SMG5: variants seen among roughly 807,000 people sequenced by gnomAD.
The protein encoded by SMG5 is nonsense-mediated mRNA decay factor SMG5.
Under a neutral mutation model 122.9 loss-of-function variants are expected in SMG5, and 53 were observed. The observed-to-expected ratio is 0.43, with a 90% CI of 0.35 to 0.54. The LOEUF is 0.54. Ranked by LOEUF, SMG5 falls within the 20% of genes least tolerant of loss-of-function variation. The pLI is 0.01. For missense variants in SMG5, 1,153 were observed against 1,285.6 expected (o/e 0.90, Z 1.58); for synonymous variants, 477 against 490.2 (o/e 0.97, Z 0.35).
At chr1:156,253,550 T>A in intron 16 of SMG5, 42 bp from the exon 17 acceptor site, 1 of 1,594,232 alleles carries the variant, frequency 6.3e-7, no homozygotes, top group Non-Finnish European at 8.6e-7. Context: ...GGGGTGTATT[T>A]TCCCTTCTCC....
Position 156,249,537 on chromosome 1 carries a change from G to A in SMG5, c.*1050C>T, listed in dbSNP as rs940052904. On this transcript the variant is annotated 3_prime_UTR_variant, in exon 22 of 22. Transcript: ENST00000361813. The stretch of plus-strand genomic sequence containing the variant: ...CTTGGTGCGCCATTCACTGCCCTGA[G>A]CTATTCATGATCTCTGCTCCCAGAT... 3 of 365,266 alleles carry A rather than the reference G, an allele frequency of 8.2e-6. No individual in the cohort carries two copies. The highest frequency in any genetic ancestry group is 6.4e-5 in the African/African-American group (3 of 46,716). The allele number at this position is 365,266 out of a possible 1,614,324, so 22.6% of individuals were successfully genotyped here.
At position 156,256,473 on chromosome 1, in the gene SMG5, C is replaced by T. The variant is rs569190629; in HGVS notation, c.2442+2532G>A. Among the ~76,000 whole-genome samples, 32 of 152,068 alleles carry T rather than the reference C, an allele frequency of 2.1e-4. No individual in the cohort carries two copies. In the South Asian group the frequency reaches 6.0e-3, roughly 29 times the overall value. The stretch of plus-strand genomic sequence containing the variant: ...AGGGAGGCACCATAGACAAACTTTC[C>T]CTCTTCCCACTGCAGAAATCAAGCC... On this transcript the variant is annotated intron_variant, in intron 16 of 21. Coordinates refer to ENST00000361813, the MANE Select transcript of SMG5 (RefSeq NM_015327.3).
intron 1 of SMG5, among the ~76,000 whole-genome samples, chr1:156,281,538 T>C (rs1273793694): frequency 6.6e-6 from 1 of 152,166 alleles, no homozygotes; most frequent in East Asian, 1.9e-4. Flanking sequence ...TACTCCCCTC[T>C]GCCTCTGGCT....
intron 7 of SMG5, among the ~76,000 whole-genome samples, chr1:156,268,653 A>G (rs879589295): frequency 2.0e-5 from 3 of 152,364 alleles, no homozygotes; most frequent in Non-Finnish European, 2.9e-5. Flanking sequence ...AGAAAGGAGA[A>G]TATCAATCCT....
chr1:156,270,905 G>A (rs544142205), intron 7 of SMG5, among the ~76,000 whole-genome samples: 62 of 152,064 alleles, frequency 4.1e-4, no homozygotes, highest in African/African-American at 1.4e-3. Context: ...TACTCGAGAG[G>A]CTGGGGCAGA....
chr1:156,286,187 G>A, upstream of SMG5: 1 of 1,493,438 alleles, frequency 6.7e-7, no homozygotes, highest in Non-Finnish European at 9.2e-7. Context: ...CAGTGAATCT[G>A]CCCCCAGCTT....
chr1:156,269,245 TAGGCACG>T (rs1388937909), intron 7 of SMG5, among the ~76,000 whole-genome samples: 1 of 152,004 alleles, frequency 6.6e-6, no homozygotes, highest in African/African-American at 2.4e-5. Flanking sequence ...GCTGGGATTA[TAGGCACG>T]AGCCACTGCG....
At chr1:156,273,254 G>T (rs1309235730) in intron 6 of SMG5, 107 bp downstream of exon 6, 3 of 851,022 alleles carry the variant, frequency 3.5e-6, no homozygotes, top group African/African-American at 3.3e-5. Flanking sequence ...AGCTGAGAAT[G>T]AAGAGGAGCT....
chr1:156,278,203 G>A (rs1437343947), intron 2 of SMG5, among the ~76,000 whole-genome samples, 155 bp from the exon 3 acceptor site: 1 of 152,060 alleles, frequency 6.6e-6, no homozygotes, highest in Non-Finnish European at 1.5e-5. Context: ...CACAACAGCA[G>A]CCTAGGAAGG....
chr1:156,252,322 C>T (rs1661387834), intron 19 of SMG5, 92 bp downstream of exon 19: 1 of 1,190,536 alleles, frequency 8.4e-7, no homozygotes, highest in Admixed American at 1.8e-5. Flanking sequence ...ATGTATGTGT[C>T]TTACCCATAG....
upstream of SMG5, chr1:156,286,058 G>A: frequency 6.5e-7 from 1 of 1,537,774 alleles, no homozygotes; most frequent in Non-Finnish European, 8.7e-7. Context: ...GTGGGGAGCA[G>A]GAGGATTTCC....
chr1:156,252,167 A>G (rs1041665057), intron 19 of SMG5, among the ~76,000 whole-genome samples: 2 of 152,206 alleles, frequency 1.3e-5, no homozygotes, highest in Non-Finnish European at 2.9e-5. Flanking sequence ...CTTGCCCCAG[A>G]GGAAGGACAG....
intron 6 of SMG5, 57 bp downstream of exon 6, chr1:156,273,304 T>C: frequency 7.0e-7 from 1 of 1,436,756 alleles, no homozygotes; most frequent in Non-Finnish European, 9.8e-7. Flanking sequence ...CTCAACAACA[T>C]CGTCTTCCCT....
At chr1:156,252,150 T>A (rs1661382562) in intron 19 of SMG5, among the ~76,000 whole-genome samples, 1 of 152,212 alleles carries the variant, frequency 6.6e-6, no homozygotes, top group African/African-American at 2.4e-5. Flanking sequence ...TGGGTGCTGA[T>A]CACAGGCTTG....
chr1:156,278,784 C>T, intron 2 of SMG5, 152 bp downstream of exon 2: 1 of 657,570 alleles, frequency 1.5e-6, no homozygotes, highest in East Asian at 2.7e-5. Flanking sequence ...GATCCTATCT[C>T]CTCTCTTAGG....
Position 156,253,016 on chromosome 1 carries a change from G to C in SMG5, c.2565C>G (p.Pro855=), listed in dbSNP as rs1385260868. The change falls in exon 18 of 22, where the codon CCC becomes CCG. Residue 855 remains proline (P), a synonymous_variant. Transcript: ENST00000361813. ...GGGCCTGGGTGTCAGGGACGAGGTA[G>C]GGAGACATGGCTGACTGGGCCTTGG... The part of the protein sequence containing the change: ...QQPKAQSAMS[P]YLVPDTQALC... 1 of 1,613,266 alleles carries C rather than the reference G, an allele frequency of 6.2e-7. No homozygotes were observed. The highest frequency in any genetic ancestry group is 1.1e-5 in the South Asian group (1 of 90,744).
At chr1:156,286,182 A>G (rs1218647185), upstream of SMG5, 1 of 1,473,292 alleles carries the variant, frequency 6.8e-7, no homozygotes, top group Non-Finnish European at 9.4e-7. Flanking sequence ...GCCCACAGTG[A>G]ATCTGCCCCC....
At chr1:156,252,312 A>T in intron 19 of SMG5, 102 bp downstream of exon 19, 1 of 983,374 alleles carries the variant, frequency 1.0e-6, no homozygotes, top group Non-Finnish European at 1.6e-6. Flanking sequence ...AGAGACGGGT[A>T]TGTATGTGTC....
In SMG5 at chr1:156,263,477, A is replaced by C; in HGVS notation, c.1949T>G (p.Met650Arg). 1 of 1,614,268 alleles carries C rather than the reference A, an allele frequency of 6.2e-7. No individual in the cohort carries two copies. Among genetic ancestry groups the C allele is most frequent in the Non-Finnish European group, 8.5e-7 (1 of 1,180,038 alleles). ...CACAGCAGGAAGCAGACCTTCGGCCATCAGGACCTGAAGCTTCTCCTGGAT... is the reference window on the plus strand; with the variant it reads ...CACAGCAGGAAGCAGACCTTCGGCCCTCAGGACCTGAAGCTTCTCCTGGAT... Reference protein sequence around the residue: ...RSIQEKLQVLMAEGLLPAVKV... With the variant: ...RSIQEKLQVLRAEGLLPAVKV... The change falls in exon 13 of 22, where the codon ATG (methionine) becomes AGG (arginine). Residue 650 changes from methionine (M) to arginine (R), a missense_variant. By Grantham distance (91) the Met-to-Arg change is moderately conservative. Coordinates refer to ENST00000361813, the MANE Select transcript of SMG5 (RefSeq NM_015327.3).
Sources: allele counts gnomAD v4.1 joint callset (sites outside exome capture counted in the v4.1 genomes callset), GRCh38; gene constraint gnomAD v4.1.1; transcripts MANE v1.5; gene names NCBI Gene and HGNC (gene_info 2026-07-23, HGNC 2026-07-21).